Variants in NIBAN3 observed in about 807,000 individuals in gnomAD.
The protein encoded by NIBAN3 is niban apoptosis regulator 3.
In NIBAN3, 66 loss-of-function variants were observed where a neutral mutation model predicts 76.4. That is an observed-to-expected ratio of 0.86 (90% CI 0.71 to 1.06). The LOEUF (loss-of-function observed/expected upper bound fraction) is 1.06, where lower values mean the gene tolerates loss of function less well. NIBAN3 is among the 50% of genes least tolerant of loss of function. NIBAN3 has a pLI of 0.00. For synonymous variants in NIBAN3, 360 were observed against 355.2 expected, an observed-to-expected ratio of 1.01 and a Z score of -0.15; for missense variants, 808 against 810.7, an observed-to-expected ratio of 1.00 and a Z score of 0.04.
chr19:17,539,029 G>A (rs916321427), intron 5 of NIBAN3, 121 bp from the exon 6 acceptor site: 8 of 791,120 alleles, frequency 1.0e-5, no homozygotes, highest in Admixed American at 2.7e-5. Context: ...CCTATGCAAA[G>A]TTCCAGAGAT....
rs757629785 is a variant in NIBAN3, at chr19:17,532,422, G to A, written c.312+34G>A. On this transcript the variant is annotated intron_variant, in intron 3 of 14. Transcript: ENST00000599164. ...TTGGCACGTGGCCTTTCTACTTCTG[G>A]GTCCCTCCTTCCCACCCCCGTCAGC... 1.6e-5 allele frequency: 26 copies of A among 1,613,868 alleles called. No homozygotes were observed. In the East Asian group the frequency reaches 5.1e-4, roughly 32 times the overall value.
Position 17,551,776 on chromosome 19 carries a change from C to G in NIBAN3, c.1751-10C>G. The G allele has an allele frequency of 3.9e-6, 3 of 773,088 alleles. No individual in the cohort carries two copies. The highest frequency in any genetic ancestry group is 7.3e-6 in the Non-Finnish European group (3 of 413,306). 47.9% of individuals were successfully genotyped at this position (773,088 alleles called of 1,614,324 possible). ...TGATTTTTGACGTCCGTATATTTTCCATTATACAGATGAGGAAACTGAGGC... is the reference window on the plus strand; with the variant it reads ...TGATTTTTGACGTCCGTATATTTTCGATTATACAGATGAGGAAACTGAGGC... On this transcript the variant is annotated splice_polypyrimidine_tract_variant and intron_variant, in intron 14 of 14. Coordinates refer to ENST00000599164, the MANE Select transcript of NIBAN3 (RefSeq NM_001321827.2).
chr19:17,539,500 G>C, intron 7 of NIBAN3, 49 bp downstream of exon 7: 1 of 1,457,528 alleles, frequency 6.9e-7, no homozygotes, highest in Non-Finnish European at 9.1e-7. Context: ...GCGGGCGTTC[G>C]GGTTCCCCTC....
At chr19:17,524,124 C>G (rs1241726140), upstream of NIBAN3, among the ~76,000 whole-genome samples, 1 of 152,056 alleles carries the variant, frequency 6.6e-6, no homozygotes, top group African/African-American at 2.4e-5. Context: ...CTCCTGACCT[C>G]AAGCGATCCA....
chr19:17,539,328 A>T lies in NIBAN3; in HGVS notation c.712-19A>T. ...ACCCTCCCGGCCGACCGCGGCGCCC[A>T]TGGCCCCCTCTCCTGCAGGTGCTGA... On this transcript the variant is annotated intron_variant, in intron 6 of 14. Coordinates refer to ENST00000599164, the MANE Select transcript of NIBAN3 (RefSeq NM_001321827.2). The T allele has an allele frequency of 1.3e-6, 2 of 1,551,356 alleles. No homozygotes were observed. The highest frequency in any genetic ancestry group is 8.7e-7 in the Non-Finnish European group (1 of 1,148,572).
At chr19:17,525,986 G>A (rs1441858126), upstream of NIBAN3, among the ~76,000 whole-genome samples, 3 of 151,924 alleles carry the variant, frequency 2.0e-5, no homozygotes, top group Non-Finnish European at 2.9e-5. Context: ...CCCAGGAGGC[G>A]AAGGTGGCAG....
At position 17,543,520 on chromosome 19, in the gene NIBAN3, G is replaced by A. The variant is rs1276090473; in HGVS notation, c.1447-4G>A. On this transcript the variant is annotated splice_region_variant and splice_polypyrimidine_tract_variant and intron_variant, in intron 11 of 14. Transcript: ENST00000599164. ...CTGGACGCACCGCTGGGTGTGTTGT[G>A]CAGAAATTCAAATCGGACAGCGGGT... 2 of 1,614,124 alleles carry A rather than the reference G, an allele frequency of 1.2e-6. No individual in the cohort carries two copies. Among genetic ancestry groups the A allele is most frequent in the Admixed American group, 3.3e-5 (2 of 60,002 alleles).
At chr19:17,549,400 G>T (rs1351801509) in intron 13 of NIBAN3, 44 bp from the exon 14 acceptor site, 7 of 1,378,144 alleles carry the variant, frequency 5.1e-6, no homozygotes, top group Middle Eastern at 1.8e-4. Flanking sequence ...GCCCCTTGAT[G>T]CCTGGGCTTC....
downstream of NIBAN3, among the ~76,000 whole-genome samples, chr19:17,555,304 C>T (rs534315123): frequency 9.9e-5 from 15 of 152,268 alleles, no homozygotes; most frequent in South Asian, 3.1e-3. Context: ...AGGCTAAGGT[C>T]TCTTGGGTCC....
At position 17,553,255 on chromosome 19, in the gene NIBAN3, TAC is replaced by T; in HGVS notation, c.*1359_*1360del. The T allele has an allele frequency of 6.3e-7, 1 of 1,591,414 alleles. No individual in the cohort carries two copies. The highest frequency in any genetic ancestry group is 8.6e-7 in the Non-Finnish European group (1 of 1,168,742). Reference sequence around the variant, plus strand: ...GATATGAACGCTTTGTGATACAGGTTACAGATTTTGGGGTTTTTTTCTCCGCT... The same window carrying T: ...GATATGAACGCTTTGTGATACAGGTTAGATTTTGGGGTTTTTTTCTCCGCT... On this transcript the variant is annotated 3_prime_UTR_variant, in exon 15 of 15. Coordinates refer to ENST00000599164, the MANE Select transcript of NIBAN3 (RefSeq NM_001321827.2).
chr19:17,553,844 G>T, downstream of NIBAN3: 1 of 261,286 alleles, frequency 3.8e-6, no homozygotes, highest in Non-Finnish European at 7.3e-6. Flanking sequence ...TCCTCATCAA[G>T]TCCACAGAGT....
At chr19:17,533,907 G>C (rs941133216) in intron 4 of NIBAN3, among the ~76,000 whole-genome samples, 7 of 152,092 alleles carry the variant, frequency 4.6e-5, no homozygotes, top group Admixed American at 1.3e-4. Context: ...AGTGTCTCCC[G>C]GGGGCAGCGT....
At chr19:17,527,121 C>T (rs529652513), upstream of NIBAN3, 8 of 1,196,822 alleles carry the variant, frequency 6.7e-6, no homozygotes, top group South Asian at 4.5e-5. Context: ...AACCTAACCC[C>T]GGGGCTGTCC....
At chr19:17,532,780 A>G (rs1289291533) in intron 3 of NIBAN3, among the ~76,000 whole-genome samples, 1 of 152,142 alleles carries the variant, frequency 6.6e-6, no homozygotes, top group African/African-American at 2.4e-5. Context: ...TGAGGGTTCA[A>G]CAAGAGGGTC....
chr19:17,539,792 T>C (rs1231481754), intron 8 of NIBAN3, 27 bp downstream of exon 8: 1 of 1,480,476 alleles, frequency 6.8e-7, no homozygotes, highest in East Asian at 2.5e-5. Flanking sequence ...GAGCCTGGGC[T>C]GGGAGGGGCG....
rs1356990030 is a variant in NIBAN3, at chr19:17,553,266, G to C, written c.*1368G>C. 2.5e-6 allele frequency: 4 copies of C among 1,596,818 alleles called. No homozygotes were observed. ...TTTGTGATACAGGTTACAGATTTTGGGGTTTTTTTCTCCGCTTGCTGTGAG... is the reference window on the plus strand; with the variant it reads ...TTTGTGATACAGGTTACAGATTTTGCGGTTTTTTTCTCCGCTTGCTGTGAG... On this transcript the variant is annotated 3_prime_UTR_variant, in exon 15 of 15. Coordinates refer to ENST00000599164, the MANE Select transcript of NIBAN3 (RefSeq NM_001321827.2).
chr19:17,540,635 G>C, intron 9 of NIBAN3, 53 bp downstream of exon 9: 1 of 1,275,416 alleles, frequency 7.8e-7, no homozygotes, highest in South Asian at 1.8e-5. Context: ...GTGTTAACTT[G>C]AGTCTTTCCT....
chr19:17,539,516 A>G, intron 7 of NIBAN3, 65 bp downstream of exon 7: 3 of 1,460,162 alleles, frequency 2.1e-6, no homozygotes, highest in East Asian at 2.6e-5. Context: ...CCCTCCCACG[A>G]CTGTCGCCTA....
chr19:17,528,996 G>A (rs2075662026), intron 1 of NIBAN3, among the ~76,000 whole-genome samples: 1 of 152,204 alleles, frequency 6.6e-6, no homozygotes, highest in African/African-American at 2.4e-5. Flanking sequence ...ATGTGATGGT[G>A]TTGGAAGGAA....
Sources: gnomAD v4.1 joint callset for allele counts (sites outside exome capture counted in the v4.1 genomes callset) on GRCh38, gnomAD v4.1.1 for gene constraint, MANE v1.5 for transcripts, NCBI Gene and HGNC (gene_info 2026-07-23, HGNC 2026-07-21) for gene names.